The following IL3RA variants were observed in gnomAD, a reference collection of about 807,000 sequenced individuals.
The protein encoded by IL3RA is interleukin-3 receptor subunit alpha.
In IL3RA, 73 loss-of-function variants were observed where a neutral mutation model predicts 52.3. The observed-to-expected ratio is 1.40, with a 90% CI of 1.16 to 1.70. IL3RA has a LOEUF of 1.70. Ranked by LOEUF, IL3RA falls within the 40% of genes most tolerant of loss-of-function variation. The probability of loss-of-function intolerance (pLI) is 0.00; values close to 1 mark genes in which losing one functional copy is unlikely to be tolerated. For missense variants in IL3RA, 664 were observed against 504.4 expected (o/e 1.32, Z -3.03); for synonymous variants, 260 against 194.0 (o/e 1.34, Z -2.83).
Position 1,367,746 on chromosome X carries a change from GGGGTGAGCGGGGTGCGCC to G in IL3RA, c.874+2512_874+2529del, listed in dbSNP as rs1307464516. Among the ~76,000 whole-genome samples, 69 of 125,780 alleles carry G rather than the reference GGGGTGAGCGGGGTGCGCC, an allele frequency of 5.5e-4. 1 individual carries two copies. The highest frequency in any genetic ancestry group is 1.1e-3 in the African/African-American group (36 of 31,946). The allele number at this position is 125,780 out of a possible 152,430, so 82.5% of individuals were successfully genotyped here. A position where few individuals can be genotyped will look rare whatever the true frequency, so the allele number is the denominator to read the frequency against. ...GGTGCGCCGGGTGAGCGGGGTGCGC[GGGGTGAGCGGGGTGCGCC>G]GGGTGAGCGGGGTGCGCGGGCTGAG... On this transcript the variant is annotated intron_variant, in intron 9 of 11. Coordinates refer to ENST00000331035, the MANE Select transcript of IL3RA (RefSeq NM_002183.4).
chrX:1,382,152 T>C (rs1266519300), intron 11 of IL3RA, among the ~76,000 whole-genome samples: 4 of 138,630 alleles, frequency 2.9e-5, no homozygotes, highest in African/African-American at 1.2e-4. Flanking sequence ...GGTTTCACCA[T>C]GTTGGCCAGG....
intron 8 of IL3RA, among the ~76,000 whole-genome samples, chrX:1,359,174 T>C (rs2079218267): frequency 1.3e-5 from 2 of 151,952 alleles, no homozygotes; most frequent in African/African-American, 2.4e-5. Flanking sequence ...GAGAGCCAGA[T>C]GCTATGGCTG....
At chrX:1,349,759 T>G (rs1218178026) in intron 4 of IL3RA, among the ~76,000 whole-genome samples, 1 of 151,798 alleles carries the variant, frequency 6.6e-6, no homozygotes, top group East Asian at 1.9e-4. Flanking sequence ...GCCTCCCGGG[T>G]TCAAGCGATT....
At position 1,378,727 on chromosome X, in the gene IL3RA, C is replaced by T; in HGVS notation, c.943C>T (p.Leu315=). 1.2e-6 allele frequency: 2 copies of T among 1,612,534 alleles called. No individual in the cohort carries two copies. The highest frequency in any genetic ancestry group is 1.7e-6 in the Non-Finnish European group (2 of 1,179,842). The change falls in exon 10 of 12, where the codon CTG becomes TTG. Residue 315 remains leucine, a synonymous_variant. Transcript: ENST00000331035. Reference sequence around the variant, plus strand: ...GTCGCTGCTGATCGCGCTGGGGACGCTGCTGGCCCTGGTCTGTGTCTTCGT... The same window carrying T: ...GTCGCTGCTGATCGCGCTGGGGACGTTGCTGGCCCTGGTCTGTGTCTTCGT... ...RTSLLIALGT[L]LALVCVFVIC...
Position 1,378,647 on chromosome X carries a change from CTT to C in IL3RA, c.875-10_875-9del. The C allele has an allele frequency of 6.2e-7, 1 of 1,610,622 alleles. No homozygotes were observed. Among genetic ancestry groups the C allele is most frequent in the Non-Finnish European group, 8.5e-7 (1 of 1,178,690 alleles). ...GCCCCCGGTCTGTGACCCTCTCACC[CTT>C]TACCCCTAGAGTGCGACCAGGAGGA... On this transcript the variant is annotated splice_polypyrimidine_tract_variant and intron_variant, in intron 9 of 11. Coordinates refer to ENST00000331035, the MANE Select transcript of IL3RA (RefSeq NM_002183.4).
intron 2 of IL3RA, among the ~76,000 whole-genome samples, chrX:1,344,303 AGG>A (rs2085630797): frequency 6.7e-6 from 1 of 149,682 alleles, no homozygotes; most frequent in African/African-American, 2.5e-5. Flanking sequence ...GTGTGGTGGC[AGG>A]CACCTGTTAT....
At chrX:1,368,717 G>A (rs1763216823) in intron 9 of IL3RA, among the ~76,000 whole-genome samples, 1 of 151,312 alleles carries the variant, frequency 6.6e-6, no homozygotes, top group African/African-American at 2.4e-5. Flanking sequence ...GACACAGGGA[G>A]AAGACGGCGT....
chrX:1,350,180 C>T (rs188894427), intron 4 of IL3RA, among the ~76,000 whole-genome samples: 1,909 of 152,074 alleles, frequency 0.013, 40 homozygotes, highest in African/African-American at 0.044. Flanking sequence ...GGAGGCCGGG[C>T]GCAGTGGCTC....
At chrX:1,345,997 G>A (rs2085725335) in intron 3 of IL3RA, among the ~76,000 whole-genome samples, 1 of 152,018 alleles carries the variant, frequency 6.6e-6, no homozygotes, top group South Asian at 2.1e-4. Context: ...AAAGTGAAAT[G>A]AGGCTAAGCT....
intron 9 of IL3RA, among the ~76,000 whole-genome samples, chrX:1,366,080 AGCGGGGTGC>A (rs1374728565): frequency 5.8e-5 from 1 of 17,370 alleles, no homozygotes; most frequent in Non-Finnish European, 9.4e-5. Flanking sequence ...GCGCGGGGTG[AGCGGGGTGC>A]GCGGGGTGCG....
At position 1,348,555 on chromosome X, in the gene IL3RA, A is replaced by G. The variant is rs2085883011; in HGVS notation, c.298+10A>G. 1 of 1,595,292 alleles carries G rather than the reference A, an allele frequency of 6.3e-7. No individual in the cohort carries two copies. On this transcript the variant is annotated intron_variant, in intron 4 of 11. Coordinates refer to ENST00000331035, the MANE Select transcript of IL3RA (RefSeq NM_002183.4). ...CTCTTCCCTGAGAACAGTGAGAAAA[A>G]TGTTCATTGTTTGTTTATTCTCTAT...
rs1569528800 is a variant in IL3RA, at chrX:1,382,280, A to ACCGCGCCTGGTCCAAAG, written c.1063-111_1063-110insCCGCGCCTGGTCCAAAG. On this transcript the variant is annotated intron_variant, in intron 11 of 11. Transcript: ENST00000331035. The stretch of plus-strand genomic sequence containing the variant: ...GCTGGGATGACAGGCGTGAGACACC[A>ACCGCGCCTGGTCCAAAG]TGCCTGGCCCACAGAGCAGATCTGA... 60 of 345,386 alleles carry ACCGCGCCTGGTCCAAAG rather than the reference A, an allele frequency of 1.7e-4. No homozygotes were observed. In the African/African-American group the frequency reaches 4.7e-3, roughly 27 times the overall value. 21.4% of individuals were successfully genotyped at this position (345,386 alleles called of 1,614,324 possible).
intron 4 of IL3RA, 100 bp downstream of exon 4, chrX:1,348,645 TCTTTCTTTCTTTCTTTCTTTCTTTC>T: frequency 3.6e-6 from 1 of 278,710 alleles, no homozygotes; most frequent in East Asian, 6.2e-5. Context: ...TTTCTTTTTC[TCTTTCTTTCTTTCTTTCTTTCTTTC>T]TTTCTTTCTT....
At chrX:1,379,345 G>A (rs1173498772) in intron 10 of IL3RA, among the ~76,000 whole-genome samples, 1 of 151,870 alleles carries the variant, frequency 6.6e-6, no homozygotes, top group African/African-American at 2.4e-5. Context: ...TAGTGGAGAC[G>A]GGGTTTCACC....
chrX:1,378,179 T>G (rs1211013549), intron 9 of IL3RA, among the ~76,000 whole-genome samples: 12 of 118,180 alleles, frequency 1.0e-4, no homozygotes, highest in Admixed American at 5.6e-4. Context: ...CGAGACTCCA[T>G]CTCAAAAAAA....
At position 1,348,444 on chromosome X, in the gene IL3RA, G is replaced by C. The variant is rs367920534; in HGVS notation, c.197G>C (p.Ser66Thr). ...TGTCTCTCTTAGGCAGTGAACAATA[G>C]CTATTGCCAGTTTGGAGCAATTTCC... ...ADYSMPAVNN[S>T]YCQFGAISLC... Residue 66 changes from serine (S) to threonine (T), a missense_variant, in exon 4 of 12, where the codon AGC becomes ACC. Ser to Thr is a moderately conservative substitution (Grantham distance 58). Transcript: ENST00000331035. 2.1e-5 allele frequency: 34 copies of C among 1,613,350 alleles called. No homozygotes were observed. Among genetic ancestry groups the C allele is most frequent in the East Asian group, 1.1e-4 (5 of 44,888 alleles).
intron 8 of IL3RA, among the ~76,000 whole-genome samples, chrX:1,362,501 T>C (rs764784283): frequency 6.7e-6 from 1 of 149,482 alleles, no homozygotes; most frequent in Admixed American, 6.6e-5. Flanking sequence ...ACTATCTCTG[T>C]CTATGTCTGT....
intron 8 of IL3RA, among the ~76,000 whole-genome samples, chrX:1,362,052 CTG>C (rs2087446671): frequency 6.6e-6 from 1 of 151,418 alleles, no homozygotes; most frequent in Non-Finnish European, 1.5e-5. Flanking sequence ...CTTTGTATCT[CTG>C]TCTCTCTCTC....
chrX:1,343,958 A>C (rs745329453), intron 2 of IL3RA, among the ~76,000 whole-genome samples: 5 of 151,302 alleles, frequency 3.3e-5, no homozygotes, highest in African/African-American at 1.2e-4. Flanking sequence ...ACCACGCCCA[A>C]CTAATTTTTG....
Sources: allele counts gnomAD v4.1 joint callset (sites outside exome capture counted in the v4.1 genomes callset), GRCh38; gene constraint gnomAD v4.1.1; transcripts MANE v1.5; gene names NCBI Gene and HGNC (gene_info 2026-07-23, HGNC 2026-07-21).